Variants in NTRK2 observed in about 807,000 individuals in gnomAD.
The protein encoded by NTRK2 is neurotrophic receptor tyrosine kinase 2.
In NTRK2, 13 loss-of-function variants were observed where a neutral mutation model predicts 94.5. The observed-to-expected ratio is 0.14, with a 90% CI of 0.09 to 0.22. The LOEUF is 0.22. NTRK2 is among the 10% of genes least tolerant of loss of function. The probability of loss-of-function intolerance (pLI) is 1.00; values close to 1 mark genes in which losing one functional copy is unlikely to be tolerated. For missense variants in NTRK2, 639 were observed against 1,071.2 expected, an observed-to-expected ratio of 0.60 and a Z score of 5.63; for synonymous variants, 372 against 407.4, an observed-to-expected ratio of 0.91 and a Z score of 1.05.
chr9:84,825,062 G>A (rs866896481), intron 12 of NTRK2, among the ~76,000 whole-genome samples: 1 of 151,496 alleles, frequency 6.6e-6, no homozygotes, highest in Non-Finnish European at 1.5e-5. Context: ...CTGCTGTAGT[G>A]GACAATTTGC....
intron 12 of NTRK2, among the ~76,000 whole-genome samples, chr9:84,775,555 T>A (rs1275495600): frequency 6.6e-6 from 1 of 152,208 alleles, no homozygotes; most frequent in Non-Finnish European, 1.5e-5. Context: ...TGCTCTTGGT[T>A]CTTTGAATAG....
At chr9:84,886,115 T>A (rs1035218397) in intron 14 of NTRK2, among the ~76,000 whole-genome samples, 7 of 152,158 alleles carry the variant, frequency 4.6e-5, no homozygotes, top group African/African-American at 1.7e-4. Context: ...ACTCTCTAGG[T>A]CAAGACTATA....
At chr9:84,958,159 A>G (rs978117560) in intron 17 of NTRK2, among the ~76,000 whole-genome samples, 6 of 152,176 alleles carry the variant, frequency 3.9e-5, no homozygotes, top group Admixed American at 2.6e-4. Context: ...ATGTGCTAGA[A>G]CTATATACAG....
rs139482437 is a variant in NTRK2 at position 85,009,028 on chromosome 9, G to A, written c.2173-11178G>A. 1.2e-3 allele frequency among the ~76,000 whole-genome samples: 190 copies of A among 152,244 alleles called. 1 individual carries two copies. Among genetic ancestry groups the A allele is most frequent in the Middle Eastern group, 6.8e-3 (2 of 292 alleles). On this transcript the variant is annotated intron_variant, in intron 17 of 18. Transcript: ENST00000277120. ...ACTCTAAGGCAAGTGATTTATTTACGTTCAGCTAGTTGGCAAGTGGCTGAT... is the reference window on the plus strand; with the variant it reads ...ACTCTAAGGCAAGTGATTTATTTACATTCAGCTAGTTGGCAAGTGGCTGAT...
intron 10 of NTRK2, among the ~76,000 whole-genome samples, chr9:84,744,300 C>A (rs1435621183): frequency 6.6e-6 from 1 of 152,172 alleles, no homozygotes; most frequent in Non-Finnish European, 1.5e-5. Context: ...AGAGCGTTAA[C>A]AATTCTAAGT....
At position 84,702,366 on chromosome 9, in the gene NTRK2, A is replaced by G. The variant is rs1316923731; in HGVS notation, c.306A>G (p.Gly102=). The G allele has an allele frequency of 6.2e-6, 10 of 1,614,076 alleles. No homozygotes were observed. The highest frequency in any genetic ancestry group is 1.1e-5 in the South Asian group (1 of 91,086). ...TTCACAGGACAATTGTGGATTCTGG[A>G]TTAAAATTTGTGGCTCATAAAGCAT... The part of the protein sequence containing the change: ...GLRNLTIVDS[G]LKFVAHKAFL... Residue 102 remains glycine, a synonymous_variant, in exon 4 of 19, where the codon GGA becomes GGG. Transcript: ENST00000277120.
At chr9:84,853,003 G>A (rs918082843) in intron 12 of NTRK2, among the ~76,000 whole-genome samples, 3 of 149,450 alleles carry the variant, frequency 2.0e-5, no homozygotes, top group Non-Finnish European at 3.0e-5. Context: ...TTTTTTAATT[G>A]CTTTTGCAGA....
chr9:84,791,813 A>G (rs991238585), intron 12 of NTRK2, among the ~76,000 whole-genome samples: 1 of 152,222 alleles, frequency 6.6e-6, no homozygotes, highest in Non-Finnish European at 1.5e-5. Flanking sequence ...TTTGAAAGAC[A>G]TCTAAAACAC....
At chr9:84,885,406 G>A (rs571955445) in intron 14 of NTRK2, among the ~76,000 whole-genome samples, 1 of 151,940 alleles carries the variant, frequency 6.6e-6, no homozygotes, top group African/African-American at 2.4e-5. Flanking sequence ...CAATTTCAGC[G>A]GGTCTTTATA....
chr9:85,019,560 T>C (rs1832601632), intron 17 of NTRK2, among the ~76,000 whole-genome samples: 1 of 152,242 alleles, frequency 6.6e-6, no homozygotes, highest in Non-Finnish European at 1.5e-5. Context: ...AAAAAATGTA[T>C]TTATCTATTG....
chr9:84,810,507 A>C, intron 12 of NTRK2: 1 of 1,590,560 alleles, frequency 6.3e-7, no homozygotes, highest in Non-Finnish European at 8.6e-7. Flanking sequence ...TTTTCTTTTG[A>C]GCATGACTTA....
chr9:84,945,257 T>C (rs2078559443), intron 15 of NTRK2, among the ~76,000 whole-genome samples: 1 of 151,162 alleles, frequency 6.6e-6, no homozygotes, highest in Admixed American at 6.7e-5. Flanking sequence ...TCACATTCTT[T>C]TATCTCTACT....
chr9:84,991,443 G>A (rs1208862676), intron 17 of NTRK2, among the ~76,000 whole-genome samples: 1 of 152,160 alleles, frequency 6.6e-6, no homozygotes, highest in Non-Finnish European at 1.5e-5. Flanking sequence ...ATCTATGCGA[G>A]TTTATCTGTC....
intron 12 of NTRK2, among the ~76,000 whole-genome samples, chr9:84,785,724 C>T (rs1167903863): frequency 1.3e-5 from 2 of 152,154 alleles, no homozygotes. Context: ...TTGTGTACTG[C>T]ACCTTATTTC....
intron 17 of NTRK2, among the ~76,000 whole-genome samples, chr9:85,004,567 G>A (rs1377930467): frequency 6.6e-6 from 1 of 152,172 alleles, no homozygotes; most frequent in African/African-American, 2.4e-5. Flanking sequence ...TATAAACGAA[G>A]TGCGATTGTA....
intron 15 of NTRK2, among the ~76,000 whole-genome samples, chr9:84,946,099 T>A (rs2078592063): frequency 6.6e-6 from 1 of 152,218 alleles, no homozygotes; most frequent in Admixed American, 6.5e-5. Flanking sequence ...GGATATCATC[T>A]TTTAGTTTTG....
intron 2 of NTRK2, among the ~76,000 whole-genome samples, chr9:84,687,493 A>C (rs963363027): frequency 6.6e-6 from 1 of 152,186 alleles, no homozygotes; most frequent in East Asian, 1.9e-4. Context: ...TCTGGAGCTT[A>C]AATTCCTGGT....
intron 12 of NTRK2, among the ~76,000 whole-genome samples, chr9:84,838,887 G>T (rs1256480520): frequency 2.0e-5 from 3 of 150,668 alleles, no homozygotes; most frequent in Non-Finnish European, 4.4e-5. Flanking sequence ...ATTCTGTACA[G>T]AAGCCTTAAT....
chr9:84,711,439 T>C (rs2061413021), intron 6 of NTRK2, among the ~76,000 whole-genome samples: 1 of 152,210 alleles, frequency 6.6e-6, no homozygotes, highest in African/African-American at 2.4e-5. Context: ...GCTAGTGAGT[T>C]ATAAGGAAGG....
Sources: allele counts gnomAD v4.1 joint callset (sites outside exome capture counted in the v4.1 genomes callset), GRCh38; gene constraint gnomAD v4.1.1; transcripts MANE v1.5; gene names NCBI Gene and HGNC (gene_info 2026-07-23, HGNC 2026-07-21).